Variants in CBLB observed in about 807,000 individuals in gnomAD.
The protein encoded by CBLB is E3 ubiquitin-protein ligase CBL-B.
In CBLB, 31 loss-of-function variants were observed where a neutral mutation model predicts 104.9. The ratio of observed to expected loss-of-function variants is 0.30; its 90% CI spans 0.22 to 0.40. The LOEUF is 0.40. Among genes scored for constraint, CBLB ranks in the 10% least tolerant of loss-of-function variants. The pLI is 1.00. For synonymous variants in CBLB, 440 were observed against 422.6 expected (o/e 1.04, Z -0.51); for missense variants, 1,062 against 1,214.6 (o/e 0.87, Z 1.87).
chr3:105,675,868 G>C (rs922704959), intron 17 of CBLB, among the ~76,000 whole-genome samples: 2 of 127,812 alleles, frequency 1.6e-5, no homozygotes, highest in Admixed American at 1.7e-4. Context: ...CTGGGCAACA[G>C]AGTGAGACCC....
intron 3 of CBLB, among the ~76,000 whole-genome samples, chr3:105,805,528 ACTGCTAGCCTCAAG>A (rs1228172418): frequency 6.6e-6 from 1 of 152,066 alleles, no homozygotes; most frequent in Non-Finnish European, 1.5e-5. Flanking sequence ...CTGGTCTCAA[ACTGCTAGCCTCAAG>A]CAATCTGCCT....
intron 6 of CBLB, among the ~76,000 whole-genome samples, chr3:105,742,597 G>A (rs551523150): frequency 2.7e-4 from 41 of 151,930 alleles, no homozygotes; most frequent in African/African-American, 9.7e-4. Flanking sequence ...ATTATGAGAA[G>A]TGCCAAAAAT....
At chr3:105,690,095 T>C (rs1482225266) in intron 13 of CBLB, among the ~76,000 whole-genome samples, 2 of 152,184 alleles carry the variant, frequency 1.3e-5, no homozygotes, top group Non-Finnish European at 2.9e-5. Flanking sequence ...TATTTAACAA[T>C]TCTATTTCAG....
intron 13 of CBLB, among the ~76,000 whole-genome samples, chr3:105,686,582 G>C (rs922921801): frequency 6.6e-6 from 1 of 151,966 alleles, no homozygotes; most frequent in African/African-American, 2.4e-5. Flanking sequence ...TTATTAGTTA[G>C]AACAGAAACA....
At chr3:105,666,474 T>A (rs1252016094) in intron 18 of CBLB, among the ~76,000 whole-genome samples, 3 of 151,994 alleles carry the variant, frequency 2.0e-5, no homozygotes. Flanking sequence ...GATCACAAGG[T>A]CAGGAGTTCG....
At chr3:105,852,000 C>A (rs994765823) in intron 3 of CBLB, among the ~76,000 whole-genome samples, 1 of 152,122 alleles carries the variant, frequency 6.6e-6, no homozygotes, top group Admixed American at 6.6e-5. Context: ...ATAGCACATA[C>A]AATTATGCAT....
chr3:105,852,294 A>G (rs1051363237), intron 3 of CBLB, among the ~76,000 whole-genome samples: 1 of 152,126 alleles, frequency 6.6e-6, no homozygotes, highest in African/African-American at 2.4e-5. Flanking sequence ...CTTCCAGTGG[A>G]ATAAGATGTG....
chr3:105,776,377 A>T lies in CBLB; in HGVS notation c.566+19T>A. On this transcript the variant is annotated intron_variant, in intron 4 of 18. Coordinates refer to ENST00000394030, the MANE Select transcript of CBLB (RefSeq NM_170662.5). ...CCTTGAAAGATAGATCCACAGCTAT[A>T]AAAATGATTTTTACTTACTTGTCTC... The T allele has an allele frequency of 6.2e-7, 1 of 1,610,370 alleles. No homozygotes were observed. Among genetic ancestry groups the T allele is most frequent in the Non-Finnish European group, 8.5e-7 (1 of 1,177,298 alleles).
chr3:105,719,707 T>C (rs1045488565), intron 10 of CBLB, among the ~76,000 whole-genome samples: 1 of 150,774 alleles, frequency 6.6e-6, no homozygotes, highest in African/African-American at 2.4e-5. Flanking sequence ...TACTATACTT[T>C]TTATCATTAT....
intron 3 of CBLB, among the ~76,000 whole-genome samples, chr3:105,828,873 C>G (rs2086989207): frequency 6.6e-6 from 1 of 152,166 alleles, no homozygotes; most frequent in Non-Finnish European, 1.5e-5. Context: ...ACAACGTTCT[C>G]TTGGGACATT....
chr3:105,802,483 G>A (rs910468325), intron 3 of CBLB, among the ~76,000 whole-genome samples: 5 of 152,152 alleles, frequency 3.3e-5, no homozygotes, highest in Non-Finnish European at 7.3e-5. Context: ...AGTTGCATGG[G>A]TGCCAAAGAT....
intron 3 of CBLB, among the ~76,000 whole-genome samples, chr3:105,835,625 C>T (rs2088360675): frequency 6.6e-6 from 1 of 152,200 alleles, no homozygotes; most frequent in Non-Finnish European, 1.5e-5. Flanking sequence ...CAGTGGATTG[C>T]TAACATATTA....
intron 4 of CBLB, among the ~76,000 whole-genome samples, chr3:105,766,690 C>T (rs552407933): frequency 1.3e-5 from 2 of 152,254 alleles, no homozygotes; most frequent in African/African-American, 4.8e-5. Context: ...GCACACCTAA[C>T]AGACTACAGT....
In CBLB at chr3:105,655,524, A is replaced by G. The variant is rs2063280967; in HGVS notation, c.*3446T>C. On this transcript the variant is annotated 3_prime_UTR_variant, in exon 19 of 19. Coordinates refer to ENST00000394030, the MANE Select transcript of CBLB (RefSeq NM_170662.5). ...CAGATAAAGTACTTGAGGTTACATAATAACCAGAATTGAAAAGGAATGAAT... is the reference window on the plus strand; with the variant it reads ...CAGATAAAGTACTTGAGGTTACATAGTAACCAGAATTGAAAAGGAATGAAT... 2 of 177,030 alleles carry G rather than the reference A, an allele frequency of 1.1e-5. No individual in the cohort carries two copies. The highest frequency in any genetic ancestry group is 4.7e-5 in the African/African-American group (2 of 42,272). The allele number at this position is 177,030 out of a possible 1,614,324, so 11.0% of individuals were successfully genotyped here. A position where few individuals can be genotyped will look rare whatever the true frequency, so the allele number is the denominator to read the frequency against.
intron 18 of CBLB, among the ~76,000 whole-genome samples, chr3:105,665,400 AATAAATAAATAAATAAATATATATAT>A (rs1559733633): frequency 2.1e-5 from 2 of 96,342 alleles, no homozygotes; most frequent in African/African-American, 4.1e-5. Context: ...AAAATAAATA[AATAAATAAATAAATAAATATATATAT>A]ATATATATAT....
chr3:105,845,757 T>C (rs186620845), intron 3 of CBLB, among the ~76,000 whole-genome samples: 1 of 152,244 alleles, frequency 6.6e-6, no homozygotes, highest in African/African-American at 2.4e-5. Context: ...AATAACTTTC[T>C]TGTGGCCTCT....
intron 5 of CBLB, among the ~76,000 whole-genome samples, chr3:105,747,735 T>C (rs1269120592): frequency 6.6e-6 from 1 of 152,178 alleles, no homozygotes; most frequent in Non-Finnish European, 1.5e-5. Flanking sequence ...TACCCATCTA[T>C]GAAGGACAAG....
chr3:105,692,156 A>G (rs1308784580), intron 13 of CBLB, among the ~76,000 whole-genome samples: 3 of 152,206 alleles, frequency 2.0e-5, no homozygotes, highest in Admixed American at 2.0e-4. Context: ...AAGACCTTCT[A>G]TTGTAAATAA....
chr3:105,831,187 C>T (rs1049028949), intron 3 of CBLB, among the ~76,000 whole-genome samples: 4 of 152,166 alleles, frequency 2.6e-5, no homozygotes, highest in Admixed American at 6.5e-5. Flanking sequence ...TTCAATTCCT[C>T]CACTCCTGAG....
Sources: gnomAD v4.1 joint callset for allele counts (sites outside exome capture counted in the v4.1 genomes callset) on GRCh38, gnomAD v4.1.1 for gene constraint, MANE v1.5 for transcripts, NCBI Gene and HGNC (gene_info 2026-07-23, HGNC 2026-07-21) for gene names.